The following TTC7B variants were observed in gnomAD, a reference collection of about 807,000 sequenced individuals.
TTC7B encodes the protein tetratricopeptide repeat protein 7B.
Under a neutral mutation model 106.8 loss-of-function variants are expected in TTC7B, and 28 were observed. The ratio of observed to expected loss-of-function variants is 0.26; its 90% CI spans 0.19 to 0.36. The LOEUF (loss-of-function observed/expected upper bound fraction) is 0.36, where lower values mean the gene tolerates loss of function less well. Among genes scored for constraint, TTC7B ranks in the 10% least tolerant of loss-of-function variants. TTC7B has a pLI of 1.00. For synonymous variants in TTC7B, 405 were observed against 430.6 expected (o/e 0.94, Z 0.74); for missense variants, 862 against 1,076.4 (o/e 0.80, Z 2.79).
rs1169037334 is a variant in TTC7B, at chr14:90,541,458, A to G, written c.2442T>C (p.Asp814=). The change falls in exon 20 of 20, where the codon GAT becomes GAC. Residue 814 remains aspartate, a synonymous_variant. Coordinates refer to ENST00000328459, the MANE Select transcript of TTC7B (RefSeq NM_001010854.2). ...LGEVLQAQGN[D]AAATECFLTA... ...TCAGGAAGCACTCCGTAGCCGCCGC[A>G]TCGTTGCCCTGAGCTTGGAGGACCT... The G allele has an allele frequency of 6.2e-7, 1 of 1,614,006 alleles. No individual in the cohort carries two copies. Among genetic ancestry groups the G allele is most frequent in the Non-Finnish European group, 8.5e-7 (1 of 1,179,978 alleles).
At chr14:90,776,581 G>A (rs1472866064) in intron 3 of TTC7B, among the ~76,000 whole-genome samples, 1 of 152,196 alleles carries the variant, frequency 6.6e-6, no homozygotes, top group African/African-American at 2.4e-5. Context: ...GAACTTACAG[G>A]AGGAAACCCG....
chr14:90,699,078 G>GT, intron 5 of TTC7B: 1 of 436,176 alleles, frequency 2.3e-6, no homozygotes, highest in South Asian at 1.6e-5. Flanking sequence ...CTGGCGATAG[G>GT]TTCCAGTTCC....
intron 18 of TTC7B, among the ~76,000 whole-genome samples, chr14:90,579,856 T>C (rs1345985360): frequency 6.6e-6 from 1 of 152,194 alleles, no homozygotes; most frequent in African/African-American, 2.4e-5. Flanking sequence ...GTTTTACTAT[T>C]TTCTTTGTGC....
intron 19 of TTC7B, among the ~76,000 whole-genome samples, chr14:90,545,924 C>T (rs765847903): frequency 2.6e-5 from 4 of 152,206 alleles, no homozygotes; most frequent in South Asian, 4.1e-4. Flanking sequence ...GTAGTCCTAA[C>T]GTAGGAACTG....
intron 17 of TTC7B, among the ~76,000 whole-genome samples, chr14:90,604,547 T>C (rs563277735): frequency 6.6e-6 from 1 of 152,336 alleles, no homozygotes; most frequent in South Asian, 2.1e-4. Flanking sequence ...TCAAAAGATA[T>C]GCACATTAGA....
At chr14:90,798,440 T>TA (rs1195481912) in intron 1 of TTC7B, among the ~76,000 whole-genome samples, 1 of 152,110 alleles carries the variant, frequency 6.6e-6, no homozygotes, top group Non-Finnish European at 1.5e-5. Flanking sequence ...CTATTGTGTG[T>TA]AAAAAACAAT....
In TTC7B at chr14:90,679,162, C is replaced by T. The variant is rs568581362; in HGVS notation, c.1014+1310G>A. Among the ~76,000 whole-genome samples, 104 of 152,318 alleles carry T rather than the reference C, an allele frequency of 6.8e-4. 1 individual carries two copies. Among genetic ancestry groups the T allele is most frequent in the Middle Eastern group, 3.4e-3 (1 of 294 alleles). On this transcript the variant is annotated intron_variant, in intron 8 of 19. Coordinates refer to ENST00000328459, the MANE Select transcript of TTC7B (RefSeq NM_001010854.2). ...CCACCCTAAGTTATCAGCTGACTATCGGGCAACCTGCTTCCTTGAGAGGAA... is the reference window on the plus strand; with the variant it reads ...CCACCCTAAGTTATCAGCTGACTATTGGGCAACCTGCTTCCTTGAGAGGAA...
intron 1 of TTC7B, among the ~76,000 whole-genome samples, chr14:90,789,442 G>T (rs1891503995): frequency 6.6e-6 from 1 of 152,090 alleles, no homozygotes; most frequent in Non-Finnish European, 1.5e-5. Context: ...GGAAAAGAAG[G>T]CAGGGCTCGG....
At chr14:90,563,623 G>A (rs528677568) in intron 19 of TTC7B, among the ~76,000 whole-genome samples, 2 of 152,202 alleles carry the variant, frequency 1.3e-5, no homozygotes, top group Admixed American at 1.3e-4. Flanking sequence ...ACTCACTGAT[G>A]GACCCTTCCT....
chr14:90,683,884 T>A (rs559080598), intron 7 of TTC7B, among the ~76,000 whole-genome samples: 1 of 152,376 alleles, frequency 6.6e-6, no homozygotes, highest in Admixed American at 6.5e-5. Context: ...GAAGTCATCC[T>A]GACCCTTCAA....
At chr14:90,782,927 T>C (rs1183593014) in intron 2 of TTC7B, among the ~76,000 whole-genome samples, 1 of 151,876 alleles carries the variant, frequency 6.6e-6, no homozygotes, top group Non-Finnish European at 1.5e-5. Flanking sequence ...TTGTAAGTTA[T>C]GTATATTTTA....
At position 90,807,035 on chromosome 14, in the gene TTC7B, C is replaced by T. The variant is rs975972051; in HGVS notation, c.121+9140G>A. On this transcript the variant is annotated intron_variant, in intron 1 of 19. Transcript: ENST00000328459. This position sits in a 1 kb window ranked among gnomAD's most constrained non-coding sequence, Gnocchi z 4.1. ...GCAAAGCCCACTGCTTTCTCCTGCCCGGGGTTCCTTTCCCCTTTGCTAAAA... is the reference window on the plus strand; with the variant it reads ...GCAAAGCCCACTGCTTTCTCCTGCCTGGGGTTCCTTTCCCCTTTGCTAAAA... Among the ~76,000 whole-genome samples the T allele has an allele frequency of 2.1e-4, 32 of 152,176 alleles. No individual in the cohort carries two copies. The highest frequency in any genetic ancestry group is 4.1e-4 in the South Asian group (2 of 4,826).
In TTC7B at chr14:90,559,366, C is replaced by T. The variant is rs10146198; in HGVS notation, c.2311-17777G>A. Among the ~76,000 whole-genome samples, 793 of 152,352 alleles carry T rather than the reference C, an allele frequency of 5.2e-3. 8 individuals carry two copies. Among genetic ancestry groups the T allele is most frequent in the African/African-American group, 0.018 (735 of 41,576 alleles). On this transcript the variant is annotated intron_variant, in intron 19 of 19. Coordinates refer to ENST00000328459, the MANE Select transcript of TTC7B (RefSeq NM_001010854.2). ...TCTGCAGTGCTCGCAGGAGTCTTTG[C>T]GAATGCAGTGGCGGTTCTGTGCCCA...
Position 90,676,529 on chromosome 14 carries a change from C to T in TTC7B, c.1146G>A (p.Leu382=), listed in dbSNP as rs749358695. ...ALGRRGQYEM[L]SECLERAMKF... The stretch of plus-strand genomic sequence containing the variant: ...CCAGACTCAGCAGCTGTACCTCTGA[C>T]AGCATCTCATACTGGCCTCTTCTTC... Residue 382 remains leucine, a synonymous_variant, in exon 9 of 20, where the codon CTG becomes CTA. Transcript: ENST00000328459. 4.2e-5 allele frequency: 68 copies of T among 1,613,780 alleles called. No individual in the cohort carries two copies. Among genetic ancestry groups the T allele is most frequent in the Non-Finnish European group, 5.8e-5 (68 of 1,179,852 alleles).
chr14:90,676,970 C>A (rs1408257259), intron 8 of TTC7B, among the ~76,000 whole-genome samples: 2 of 152,186 alleles, frequency 1.3e-5, no homozygotes, highest in Non-Finnish European at 2.9e-5. Context: ...GGGTTCATAG[C>A]CAGCCTCATA....
chr14:90,666,777 G>T (rs536425254), intron 9 of TTC7B, among the ~76,000 whole-genome samples: 4 of 152,200 alleles, frequency 2.6e-5, no homozygotes, highest in Non-Finnish European at 5.9e-5. Flanking sequence ...AACACTTAAA[G>T]GATATCATTG....
At chr14:90,592,573 G>A (rs1305217160) in intron 18 of TTC7B, among the ~76,000 whole-genome samples, 1 of 152,110 alleles carries the variant, frequency 6.6e-6, no homozygotes, top group Non-Finnish European at 1.5e-5. Flanking sequence ...GCTGGGCGTG[G>A]TGGTGGGCGC....
At chr14:90,773,124 T>C (rs1049775155) in intron 3 of TTC7B, among the ~76,000 whole-genome samples, 2 of 152,242 alleles carry the variant, frequency 1.3e-5, no homozygotes, top group Non-Finnish European at 2.9e-5. Context: ...AGCCACCTGC[T>C]GCTCCCAGCC....
intron 1 of TTC7B, among the ~76,000 whole-genome samples, chr14:90,789,393 C>T (rs1221664245): frequency 1.3e-5 from 2 of 152,034 alleles, no homozygotes; most frequent in South Asian, 2.1e-4. Flanking sequence ...CCACTATACC[C>T]GGCCTTAATT....
Sources: gnomAD v4.1 joint callset for allele counts (sites outside exome capture counted in the v4.1 genomes callset) on GRCh38, gnomAD v4.1.1 for gene constraint, Gnocchi (gnomAD v3.1) non-coding constraint, MANE v1.5 for transcripts, NCBI Gene and HGNC (gene_info 2026-07-23, HGNC 2026-07-21) for gene names.